SREBF2: variants seen among roughly 807,000 people sequenced by gnomAD.
SREBF2 encodes sterol regulatory element binding transcription factor 2.
Under a neutral mutation model 113.1 loss-of-function variants are expected in SREBF2, and 55 were observed. The ratio of observed to expected loss-of-function variants is 0.49; its 90% CI spans 0.39 to 0.61. The LOEUF is 0.61. SREBF2 is among the 20% of genes least tolerant of loss of function. SREBF2 has a pLI of 0.00. For synonymous variants in SREBF2, 593 were observed against 605.7 expected (o/e 0.98, Z 0.31); for missense variants, 1,349 against 1,487.4 (o/e 0.91, Z 1.53).
Position 41,905,939 on chromosome 22 carries a change from C to T in SREBF2, c.*279C>T, listed in dbSNP as rs2269664. ...GCAGCAGGGGGAGCTCCCAAGCTGC[C>T]AAGCCCCTGCCTCCAGCCTTCCTGA... On this transcript the variant is annotated 3_prime_UTR_variant, in exon 19 of 19. Transcript: ENST00000361204. The T allele has an allele frequency of 0.07, 44,768 of 641,022 alleles. 1,709 individuals are homozygous for T. Among genetic ancestry groups the T allele is most frequent in the Non-Finnish European group, 0.08 (27,540 of 345,948 alleles). The allele number at this position is 641,022 out of a possible 1,614,324, so 39.7% of individuals were successfully genotyped here.
intron 11 of SREBF2, among the ~76,000 whole-genome samples, chr22:41,889,829 C>T (rs961620705): frequency 2.0e-4 from 30 of 151,906 alleles, no homozygotes; most frequent in Admixed American, 1.8e-3. Context: ...GATGAAACTC[C>T]GTGTCTACTA....
chr22:41,874,867 A>G (rs930665558), intron 5 of SREBF2, among the ~76,000 whole-genome samples: 2 of 152,144 alleles, frequency 1.3e-5, no homozygotes, highest in Non-Finnish European at 2.9e-5. Context: ...AGATCGCGCC[A>G]TTGCACTCCA....
chr22:41,838,200 T>C (rs1221776457), intron 1 of SREBF2, among the ~76,000 whole-genome samples: 1 of 152,024 alleles, frequency 6.6e-6, no homozygotes, highest in Non-Finnish European at 1.5e-5. Flanking sequence ...TCCAAATAGA[T>C]GGGTGGCAGG....
Position 41,893,232 on chromosome 22 carries a change from G to T in SREBF2, c.2324G>T (p.Trp775Leu). 1 of 1,614,196 alleles carries T rather than the reference G, an allele frequency of 6.2e-7. No homozygotes were observed. The highest frequency in any genetic ancestry group is 8.5e-7 in the Non-Finnish European group (1 of 1,180,042). ...LGQKFFMERS[W>L]SVKSAAKESL... The stretch of plus-strand genomic sequence containing the variant: ...CAGAAGTTTTTCATGGAGCGGAGCT[G>T]GTCTGTGAAGTCAGCTGCCAAGGAG... The change falls in exon 12 of 19, where the codon TGG (tryptophan) becomes TTG (leucine). Residue 775 changes from tryptophan (W) to leucine (L), a missense_variant. Coordinates refer to ENST00000361204, the MANE Select transcript of SREBF2 (RefSeq NM_004599.4).
chr22:41,868,882 C>G, intron 3 of SREBF2, 90 bp downstream of exon 3: 1 of 1,502,746 alleles, frequency 6.7e-7, no homozygotes, highest in Non-Finnish European at 9.0e-7. Flanking sequence ...TAAGAAGGAC[C>G]AACCAGAGTG....
At chr22:41,834,224 G>T (rs1341131323) in intron 1 of SREBF2, among the ~76,000 whole-genome samples, 1 of 152,090 alleles carries the variant, frequency 6.6e-6, no homozygotes, top group East Asian at 1.9e-4. Flanking sequence ...GCCAGTATTG[G>T]TTTTTTTATA....
At chr22:41,850,796 A>G (rs893457257) in intron 1 of SREBF2, among the ~76,000 whole-genome samples, 1 of 151,994 alleles carries the variant, frequency 6.6e-6, no homozygotes, top group Non-Finnish European at 1.5e-5. Context: ...GCTGGAGTAC[A>G]GTGGAGAGAT....
intron 2 of SREBF2, 109 bp from the exon 3 acceptor site, chr22:41,868,502 G>A (rs981072570): frequency 3.7e-5 from 46 of 1,247,720 alleles, no homozygotes; most frequent in Non-Finnish European, 4.4e-5. Context: ...TCAGCAGTAG[G>A]TGGGGAGTTG....
intron 10 of SREBF2, among the ~76,000 whole-genome samples, chr22:41,882,239 T>C (rs2077253066): frequency 6.6e-6 from 1 of 152,150 alleles, no homozygotes; most frequent in Non-Finnish European, 1.5e-5. Context: ...GGGACAGTAG[T>C]CAGCTAAGAC....
intron 15 of SREBF2, chr22:41,899,413 A>C (rs1472209343): frequency 1.0e-5 from 10 of 1,002,732 alleles, no homozygotes; most frequent in Non-Finnish European, 1.2e-5. Context: ...GGCTGTTTCT[A>C]ATTGGATCTG....
intron 11 of SREBF2, among the ~76,000 whole-genome samples, chr22:41,887,245 G>A (rs1028919800): frequency 6.6e-6 from 1 of 152,024 alleles, no homozygotes; most frequent in Non-Finnish European, 1.5e-5. Context: ...ATTACAATAT[G>A]CATGTCAAAA....
chr22:41,847,917 A>ATTTT (rs200150368), intron 1 of SREBF2, among the ~76,000 whole-genome samples: 9 of 83,118 alleles, frequency 1.1e-4, no homozygotes, highest in African/African-American at 3.3e-4. Context: ...CATTATTATT[A>ATTTT]TTATTTTTTT....
intron 1 of SREBF2, among the ~76,000 whole-genome samples, chr22:41,834,992 T>C (rs1339380589): frequency 6.6e-6 from 1 of 152,040 alleles, no homozygotes; most frequent in Non-Finnish European, 1.5e-5. Flanking sequence ...AGGCCCAGGG[T>C]GGTTCATTAA....
intron 11 of SREBF2, among the ~76,000 whole-genome samples, chr22:41,890,672 A>AAAT (rs1556086629): frequency 8.6e-4 from 127 of 147,368 alleles, no homozygotes; most frequent in African/African-American, 3.1e-3. Context: ...TTAAAAAAAA[A>AAAT]TTTTTTTTTT....
intron 5 of SREBF2, 42 bp downstream of exon 5, chr22:41,874,061 C>T: frequency 1.9e-6 from 3 of 1,608,146 alleles, no homozygotes; most frequent in Non-Finnish European, 2.6e-6. Context: ...CCACCATCTC[C>T]CCTCTACCTG....
chr22:41,883,203 G>C (rs2077266311), intron 10 of SREBF2, among the ~76,000 whole-genome samples: 1 of 152,180 alleles, frequency 6.6e-6, no homozygotes, highest in Non-Finnish European at 1.5e-5. Flanking sequence ...TCAGAGAGTT[G>C]AGGAGGGGAG....
intron 1 of SREBF2, among the ~76,000 whole-genome samples, chr22:41,860,173 G>T (rs1045459621): frequency 1.3e-5 from 2 of 151,790 alleles, no homozygotes; most frequent in African/African-American, 4.8e-5. Context: ...ATAACAAAGT[G>T]GGGGAAGTAC....
chr22:41,855,877 T>A (rs995939908), intron 1 of SREBF2, among the ~76,000 whole-genome samples: 3 of 151,008 alleles, frequency 2.0e-5, no homozygotes, highest in Non-Finnish European at 4.4e-5. Flanking sequence ...CACCTCAGCC[T>A]CCCAAGTAGC....
chr22:41,835,956 T>C lies in SREBF2; in HGVS notation c.88+2598T>C, dbSNP rs189360086. On this transcript the variant is annotated intron_variant, in intron 1 of 18. Transcript: ENST00000361204. ...TAATTTGTAATGAGTTTAAATTACC[T>C]AGTGGTTAATACTGTCTTTATCCCC... Among the ~76,000 whole-genome samples the C allele has an allele frequency of 8.5e-5, 13 of 152,354 alleles. No individual in the cohort carries two copies. In the East Asian group the frequency reaches 2.3e-3, roughly 27 times the overall value.
Sources: gnomAD v4.1 joint callset for allele counts (sites outside exome capture counted in the v4.1 genomes callset) on GRCh38, gnomAD v4.1.1 for gene constraint, MANE v1.5 for transcripts, NCBI Gene and HGNC (gene_info 2026-07-23, HGNC 2026-07-21) for gene names.